MVB12B: variants seen among roughly 807,000 people sequenced by gnomAD.
The protein encoded by MVB12B is multivesicular body subunit 12B.
A neutral mutation model predicts 41.6 loss-of-function variants in MVB12B; 16 were observed. That is an observed-to-expected ratio of 0.38 (90% CI 0.26 to 0.58). The LOEUF (loss-of-function observed/expected upper bound fraction) is 0.58, where lower values mean the gene tolerates loss of function less well. Ranked by LOEUF, MVB12B falls within the 20% of genes least tolerant of loss-of-function variation. The pLI is 0.62. For missense variants in MVB12B, 274 were observed against 380.2 expected, an observed-to-expected ratio of 0.72 and a Z score of 2.32; for synonymous variants, 133 against 139.7, an observed-to-expected ratio of 0.95 and a Z score of 0.34.
At chr9:126,396,630 C>T (rs575955343) in intron 6 of MVB12B, 33 of 985,458 alleles carry the variant, frequency 3.3e-5, no homozygotes, top group East Asian at 2.3e-4. Context: ...GCCAAGCCTC[C>T]GTCTCACTTG....
Position 126,333,326 on chromosome 9 carries a change from C to G in MVB12B, c.81+6316C>G, listed in dbSNP as rs1045607210. 6.6e-6 allele frequency among the ~76,000 whole-genome samples: 1 copy of G among 151,928 alleles called. No homozygotes were observed. The highest frequency in any genetic ancestry group is 1.5e-5 in the Non-Finnish European group (1 of 67,986). Reference sequence around the variant, plus strand: ...GGTCTCGAACTCCTGACCTTGTGATCTGTCCGCCTCGGACTCCCAAGGTGC... The same window carrying G: ...GGTCTCGAACTCCTGACCTTGTGATGTGTCCGCCTCGGACTCCCAAGGTGC... On this transcript the variant is annotated intron_variant, in intron 1 of 9. Coordinates refer to ENST00000361171, the MANE Select transcript of MVB12B (RefSeq NM_033446.3). This position sits in a 1 kb window ranked among gnomAD's most constrained non-coding sequence, Gnocchi z 4.7.
chr9:126,493,817 T>C (rs1173513554), intron 9 of MVB12B, among the ~76,000 whole-genome samples: 1 of 152,236 alleles, frequency 6.6e-6, no homozygotes, highest in East Asian at 1.9e-4. Flanking sequence ...TTTTGTGTAA[T>C]ATTTCTGGAG....
At chr9:126,444,733 A>C (rs1461476839) in intron 7 of MVB12B, among the ~76,000 whole-genome samples, 1 of 152,036 alleles carries the variant, frequency 6.6e-6, no homozygotes, top group African/African-American at 2.4e-5. Flanking sequence ...TTAACATTTA[A>C]ATCTAAAGTT....
At chr9:126,358,280 G>T in intron 2 of MVB12B, among the ~76,000 whole-genome samples, 1 of 151,372 alleles carries the variant, frequency 6.6e-6, no homozygotes. Flanking sequence ...AGTTATTTTG[G>T]TCGTTCTAGG....
intron 1 of MVB12B, among the ~76,000 whole-genome samples, chr9:126,331,040 G>T (rs1405386978): frequency 6.6e-6 from 1 of 152,068 alleles, no homozygotes; most frequent in Non-Finnish European, 1.5e-5. Context: ...CTGTCTTTTG[G>T]CTATTGTGAA....
intron 7 of MVB12B, among the ~76,000 whole-genome samples, chr9:126,456,310 C>T (rs75630845): frequency 0.019 from 2,873 of 152,286 alleles, 42 homozygotes; most frequent in Non-Finnish European, 0.029. Flanking sequence ...CTTTCGCACA[C>T]GATTTCTCCC....
chr9:126,396,028 C>T (rs1048602024), intron 6 of MVB12B: 2 of 1,066,640 alleles, frequency 1.9e-6, no homozygotes, highest in African/African-American at 3.3e-5. Context: ...GATCACTGGC[C>T]TTAAGGTCAA....
Position 126,386,796 on chromosome 9 carries a change from G to T in MVB12B, c.409+138G>T. ...TACATGCCCATGAACAAACCCTGCT[G>T]CTTTTGATGTGTGTCTGGCTGGGTT... is the stretch of plus-strand genomic sequence containing the variant. On this transcript the variant is annotated intron_variant, in intron 4 of 9. Transcript: ENST00000361171. This position sits in a 1 kb window ranked among gnomAD's most constrained non-coding sequence, Gnocchi z 4.3. 2 of 640,118 alleles carry T rather than the reference G, an allele frequency of 3.1e-6. No individual in the cohort carries two copies. The highest frequency in any genetic ancestry group is 2.8e-5 in the East Asian group (1 of 35,868). 39.7% of individuals were successfully genotyped at this position (640,118 alleles called of 1,614,324 possible).
At position 126,486,626 on chromosome 9, in the gene MVB12B, G is replaced by A. The variant is rs879397791; in HGVS notation, c.873+2594G>A. ...CTCCGGCCTGCCTGTGGGCCTAATG[G>A]TGGCACCGTTTAAGCACCTGCTGTG... is the stretch of plus-strand genomic sequence containing the variant. On this transcript the variant is annotated intron_variant, in intron 9 of 9. Transcript: ENST00000361171. This position sits in a 1 kb window ranked among gnomAD's most constrained non-coding sequence, Gnocchi z 4.7. 2.0e-5 allele frequency among the ~76,000 whole-genome samples: 3 copies of A among 152,200 alleles called. No individual in the cohort carries two copies. The highest frequency in any genetic ancestry group is 4.4e-5 in the Non-Finnish European group (3 of 68,042).
Position 126,420,561 on chromosome 9 carries a change from C to CTTTT in MVB12B, c.663-1263_663-1260dup, listed in dbSNP as rs567217742. ...CTGGAGAGCCTTTCCTCCCAGGAGTCTTTTTTTTTTTTTTTTTTTTTTTTT... is the reference window on the plus strand; with the variant it reads ...CTGGAGAGCCTTTCCTCCCAGGAGTCTTTTTTTTTTTTTTTTTTTTTTTTTTTTT... On this transcript the variant is annotated intron_variant, in intron 6 of 9. Coordinates refer to ENST00000361171, the MANE Select transcript of MVB12B (RefSeq NM_033446.3). 7.3e-4 allele frequency among the ~76,000 whole-genome samples: 72 copies of CTTTT among 98,858 alleles called. 1 individual carries two copies. Among genetic ancestry groups the CTTTT allele is most frequent in the African/African-American group, 1.9e-3 (42 of 21,936 alleles). The allele number at this position is 98,858 out of a possible 152,430, so 64.9% of individuals were successfully genotyped here. A position where few individuals can be genotyped will look rare whatever the true frequency, so the allele number is the denominator to read the frequency against.
chr9:126,342,499 G>A (rs1829474839), intron 2 of MVB12B, among the ~76,000 whole-genome samples: 3 of 152,182 alleles, frequency 2.0e-5, no homozygotes, highest in Admixed American at 2.0e-4. Context: ...AGTGTCAAAT[G>A]AGTAAAATTA....
At chr9:126,363,920 T>C (rs1830093585) in intron 2 of MVB12B, among the ~76,000 whole-genome samples, 1 of 152,150 alleles carries the variant, frequency 6.6e-6, no homozygotes, top group Admixed American at 6.5e-5. Context: ...TTAATTACAG[T>C]TTAATTACAG....
At chr9:126,348,707 C>T (rs190680344) in intron 2 of MVB12B, among the ~76,000 whole-genome samples, 20 of 152,166 alleles carry the variant, frequency 1.3e-4, no homozygotes, top group Non-Finnish European at 2.9e-5. Context: ...AAAGACGAGG[C>T]GCTTGCTTTA....
chr9:126,485,764 A>AAAGG (rs113610647), intron 9 of MVB12B, among the ~76,000 whole-genome samples: 1 of 151,524 alleles, frequency 6.6e-6, no homozygotes, highest in Non-Finnish European at 1.5e-5. Flanking sequence ...TTCCTAATAA[A>AAAGG]AAAGAAACCC....
At chr9:126,481,292 C>G in intron 7 of MVB12B, 77 bp from the exon 8 acceptor site, 1 of 1,210,810 alleles carries the variant, frequency 8.3e-7, no homozygotes, top group Non-Finnish European at 1.2e-6. Context: ...TTCTCTGTTT[C>G]GACATCTTCA....
chr9:126,447,939 A>C (rs1191986395), intron 7 of MVB12B: 1 of 152,180 alleles, frequency 6.6e-6, no homozygotes, highest in African/African-American at 2.4e-5. Context: ...CGCATCTCGC[A>C]TTTTTGGCCA....
At chr9:126,463,927 G>A (rs183824376) in intron 7 of MVB12B, among the ~76,000 whole-genome samples, 6 of 152,262 alleles carry the variant, frequency 3.9e-5, no homozygotes, top group Middle Eastern at 3.4e-3. Flanking sequence ...CGTCACTCCC[G>A]TACTTGGGCA....
intron 7 of MVB12B, chr9:126,481,090 G>GTA: frequency 2.2e-6 from 1 of 454,426 alleles, no homozygotes; most frequent in Non-Finnish European, 3.9e-6. Context: ...GGAGAGTAGG[G>GTA]GTTCTGGACC....
intron 9 of MVB12B, among the ~76,000 whole-genome samples, chr9:126,502,478 G>A (rs903749707): frequency 5.9e-5 from 9 of 152,192 alleles, no homozygotes; most frequent in East Asian, 3.9e-4. Context: ...GGTCTCTGGC[G>A]TGAGGCTTAA....
Sources: gnomAD v4.1 joint callset for allele counts (sites outside exome capture counted in the v4.1 genomes callset) on GRCh38, gnomAD v4.1.1 for gene constraint, Gnocchi (gnomAD v3.1) non-coding constraint, MANE v1.5 for transcripts, NCBI Gene and HGNC (gene_info 2026-07-23, HGNC 2026-07-21) for gene names.